The following NPHP4 variants were observed in gnomAD, a reference collection of about 807,000 sequenced individuals.
The protein encoded by NPHP4 is nephrocystin-4.
In NPHP4, 151 loss-of-function variants were observed where a neutral mutation model predicts 155.8. The observed-to-expected ratio is 0.97, with a 90% confidence interval of 0.85 to 1.11. The LOEUF (loss-of-function observed/expected upper bound fraction) is 1.11. Ranked by LOEUF, NPHP4 falls within the 50% of genes least tolerant of loss-of-function variation. NPHP4 has a pLI of 0.00. For missense variants in NPHP4, 1,956 were observed against 1,925.7 expected (o/e 1.02, Z -0.29); for synonymous variants, 845 against 816.8 (o/e 1.03, Z -0.59).
chr1:5,872,015 A>T (rs1642059671), intron 23 of NPHP4, among the ~76,000 whole-genome samples: 1 of 152,042 alleles, frequency 6.6e-6, no homozygotes, highest in Admixed American at 6.6e-5. Flanking sequence ...AGATTATTTT[A>T]AGGTGAAAAG....
chr1:5,867,078 G>T lies in NPHP4; in HGVS notation c.3510C>A (p.Val1170=), dbSNP rs1206015587. The part of the protein sequence containing the change: ...PVGMLGEDPP[V]HVRCSDPNVI... Reference sequence around the variant, plus strand: ...CGTTCGGGTCGCTGCAGCGAACATGGACTGGGGGGTCCTCACCAAGCATTC... The same window carrying T: ...CGTTCGGGTCGCTGCAGCGAACATGTACTGGGGGGTCCTCACCAAGCATTC... Residue 1170 remains valine, a synonymous_variant, in exon 25 of 30, where the codon GTC becomes GTA. Transcript: ENST00000378156. The surrounding 1 kb of genome is among the most constrained non-coding windows in gnomAD (Gnocchi z 4.1). 1.2e-6 allele frequency: 2 copies of T among 1,613,152 alleles called. No homozygotes were observed. The highest frequency in any genetic ancestry group is 1.6e-4 in the Middle Eastern group (1 of 6,062).
At chr1:5,971,946 T>C (rs1652645119) in intron 3 of NPHP4, among the ~76,000 whole-genome samples, 1 of 152,280 alleles carries the variant, frequency 6.6e-6, no homozygotes. Context: ...TAATAAATCA[T>C]TTAAATGCTC....
chr1:5,923,077 C>A (rs933244165), intron 11 of NPHP4, among the ~76,000 whole-genome samples: 5 of 152,146 alleles, frequency 3.3e-5, no homozygotes, highest in African/African-American at 1.2e-4. Context: ...ACACACCAGG[C>A]GGAGAGCATG....
intron 6 of NPHP4, among the ~76,000 whole-genome samples, chr1:5,956,904 GA>G (rs1176703716): frequency 2.6e-5 from 4 of 152,194 alleles, no homozygotes; most frequent in Admixed American, 6.5e-5. Context: ...GAGAGGCTGG[GA>G]AACCTGCCCC....
chr1:5,927,069 AG>A, intron 11 of NPHP4, among the ~76,000 whole-genome samples: 1 of 152,256 alleles, frequency 6.6e-6, no homozygotes, highest in East Asian at 1.9e-4. Flanking sequence ...CTCTGAGCAC[AG>A]GGTACTGCCT....
intron 8 of NPHP4, among the ~76,000 whole-genome samples, chr1:5,947,449 C>T (rs1647167070): frequency 6.6e-6 from 1 of 152,246 alleles, no homozygotes; most frequent in African/African-American, 2.4e-5. Flanking sequence ...CACTAGGCTG[C>T]CATGACTGGT....
chr1:5,877,332 G>A (rs1477282650), intron 19 of NPHP4, 34 bp from the exon 20 acceptor site: 2 of 1,520,866 alleles, frequency 1.3e-6, no homozygotes, highest in Admixed American at 1.9e-5. Context: ...TCAGGTAGAC[G>A]TGCAGTGTCT....
chr1:5,874,608 G>C lies in NPHP4; in HGVS notation c.3094C>G (p.Leu1032Val). Residue 1032 changes from leucine to valine, a missense_variant, in exon 22 of 30, where the codon CTG (leucine) becomes GTG (valine). Transcript: ENST00000378156. ...ATGTCCTCCTCCACCGGTGTGTGCA[G>C]GCCAGCAGCACCCTTGAAGTCCCTC... Reference protein sequence around the residue: ...EWRDFKGAAGLHTPVEEDMFH... With the variant: ...EWRDFKGAAGVHTPVEEDMFH... The C allele has an allele frequency of 2.5e-6, 4 of 1,612,226 alleles. No individual in the cohort carries two copies. Among genetic ancestry groups the C allele is most frequent in the South Asian group, 1.1e-5 (1 of 90,614 alleles).
intron 16 of NPHP4, among the ~76,000 whole-genome samples, chr1:5,901,001 C>T (rs1351967193): frequency 6.6e-6 from 1 of 151,972 alleles, no homozygotes; most frequent in Non-Finnish European, 1.5e-5. Context: ...TGCCACTGCA[C>T]TCCAGCCTGG....
intron 11 of NPHP4, among the ~76,000 whole-genome samples, chr1:5,915,937 C>A (rs1026781406): frequency 6.6e-6 from 1 of 152,164 alleles, no homozygotes; most frequent in Non-Finnish European, 1.5e-5. Flanking sequence ...TGCTGTCTGT[C>A]GGAGAGGATG....
chr1:5,887,614 G>T, intron 17 of NPHP4, 148 bp from the exon 18 acceptor site: 1 of 751,522 alleles, frequency 1.3e-6, no homozygotes. Flanking sequence ...GCACCACGCT[G>T]GGGGGTGAGG....
Position 5,863,979 on chromosome 1 carries a change from TG to T in NPHP4, c.4050del (p.Thr1351ProfsTer55). 6.2e-7 allele frequency: 1 copy of T among 1,613,746 alleles called. No homozygotes were observed. The stretch of plus-strand genomic sequence containing the variant: ...CGGGAGGGGTAGGGGTTGGTGTAGG[TG>T]ATCCTCTTGTTGACACCCTTCCCTT... Reference protein sequence around the residue: ...AGEGKGVNKRITYTNPYPSRR... With the variant: ...AGEGKGVNKRXTYTNPYPSRR... On this transcript the variant is annotated frameshift_variant, in exon 29 of 30. Coordinates refer to ENST00000378156, the MANE Select transcript of NPHP4 (RefSeq NM_015102.5). LOFTEE classifies it high-confidence loss of function.
intron 5 of NPHP4, among the ~76,000 whole-genome samples, chr1:5,964,625 C>T (rs1651003541): frequency 6.6e-6 from 1 of 152,066 alleles, no homozygotes; most frequent in Non-Finnish European, 1.5e-5. Context: ...TCCCACTGTC[C>T]AGGGAGAAGG....
chr1:5,877,556 G>A (rs879625127), intron 19 of NPHP4: 8 of 355,696 alleles, frequency 2.2e-5, no homozygotes, highest in South Asian at 1.2e-4. Flanking sequence ...TAGATCCAAC[G>A]CTGTCAACAC....
At chr1:5,990,149 A>G (rs1237658279) in intron 1 of NPHP4, among the ~76,000 whole-genome samples, 1 of 152,054 alleles carries the variant, frequency 6.6e-6, no homozygotes, top group Admixed American at 6.6e-5. Flanking sequence ...GGCCTCTAGG[A>G]GTCAAACCAA....
intron 3 of NPHP4, among the ~76,000 whole-genome samples, chr1:5,974,718 C>T (rs1018630185): frequency 6.7e-6 from 1 of 150,068 alleles, no homozygotes; most frequent in African/African-American, 2.4e-5. Context: ...AGCTCTGGAT[C>T]AAGACAAGCC....
chr1:5,899,765 C>T (rs148009017), intron 16 of NPHP4, among the ~76,000 whole-genome samples: 1 of 152,184 alleles, frequency 6.6e-6, no homozygotes, highest in African/African-American at 2.4e-5. Context: ...CTGGACTTCA[C>T]TAAAATGAAA....
chr1:5,904,361 T>TA (rs1309872602), intron 16 of NPHP4, among the ~76,000 whole-genome samples: 2 of 152,242 alleles, frequency 1.3e-5, no homozygotes, highest in African/African-American at 4.8e-5. Flanking sequence ...TAGATATACA[T>TA]AAGGAAATAT....
intron 9 of NPHP4, among the ~76,000 whole-genome samples, chr1:5,940,261 A>G (rs1479692132): frequency 6.6e-6 from 1 of 152,192 alleles, no homozygotes; most frequent in Non-Finnish European, 1.5e-5. Context: ...GGACGAGTTC[A>G]GCCCCCCTTT....
Sources: allele counts gnomAD v4.1 joint callset (sites outside exome capture counted in the v4.1 genomes callset), GRCh38; gene constraint gnomAD v4.1.1; non-coding constraint Gnocchi (gnomAD v3.1); transcripts MANE v1.5; gene names NCBI Gene and HGNC (gene_info 2026-07-23, HGNC 2026-07-21).